The following KCNC1 variants were observed in gnomAD, a reference collection of about 807,000 sequenced individuals.
KCNC1 encodes voltage-gated potassium channel KCNC1.
Under a neutral mutation model 43.4 loss-of-function variants are expected in KCNC1, and 8 were observed. That is an observed-to-expected ratio of 0.18 (90% CI 0.11 to 0.33). The LOEUF (loss-of-function observed/expected upper bound fraction) is 0.33. KCNC1 is among the 10% of genes least tolerant of loss of function. The pLI is 1.00. For missense variants in KCNC1, 420 were observed against 836.0 expected (o/e 0.50, Z 6.14); for synonymous variants, 361 against 360.5 (o/e 1.00, Z -0.01).
intron 1 of KCNC1, among the ~76,000 whole-genome samples, chr11:17,763,711 C>CA (rs1482931412): frequency 7.9e-6 from 1 of 127,250 alleles, no homozygotes; most frequent in African/African-American, 2.9e-5. Flanking sequence ...CACCCACACA[C>CA]ACCCCCACAC....
At chr11:17,750,595 A>G (rs1848956411) in intron 1 of KCNC1, among the ~76,000 whole-genome samples, 1 of 152,078 alleles carries the variant, frequency 6.6e-6, no homozygotes, top group African/African-American at 2.4e-5. Context: ...CCCTTTCCAA[A>G]GCCTGTGGTG....
chr11:17,779,679 C>G lies in KCNC1; in HGVS notation c.1693+35C>G, dbSNP rs368854707. The G allele has an allele frequency of 3.5e-6, 5 of 1,427,744 alleles. No homozygotes were observed. The Admixed American group carries it at 8.6e-5, about 24-fold the overall frequency. The allele number at this position is 1,427,744 out of a possible 1,614,324, so 88.4% of individuals were successfully genotyped here. A position where few individuals can be genotyped will look rare whatever the true frequency, so the allele number is the denominator to read the frequency against. On this transcript the variant is annotated intron_variant, in intron 3 of 3. Coordinates refer to ENST00000265969, the MANE Select transcript of KCNC1 (RefSeq NM_001112741.2). This position sits in a 1 kb window ranked among gnomAD's most constrained non-coding sequence, Gnocchi z 7.2. Reference sequence around the variant, plus strand: ...GGAAGCTGGAGCACCGTGCATCGTCCGGGCCGCCTCGCGCTCCTGCAGATG... The same window carrying G: ...GGAAGCTGGAGCACCGTGCATCGTCGGGGCCGCCTCGCGCTCCTGCAGATG...
chr11:17,749,398 G>A (rs911348066), intron 1 of KCNC1, among the ~76,000 whole-genome samples: 4 of 152,234 alleles, frequency 2.6e-5, no homozygotes, highest in South Asian at 4.1e-4. Flanking sequence ...TGACAAGCGG[G>A]CTACCATACC....
In KCNC1 at chr11:17,776,135, A is replaced by C. The variant is rs923270852; in HGVS notation, c.1505-3321A>C. On this transcript the variant is annotated intron_variant, in intron 2 of 3. Coordinates refer to ENST00000265969, the MANE Select transcript of KCNC1 (RefSeq NM_001112741.2). The surrounding 1 kb of genome is among the most constrained non-coding windows in gnomAD (Gnocchi z 4.4). ...TGTGGGGGAAGTAGCGGAGAAATGA[A>C]GTGACGCCAGGGGCCAGGCATGGGT... The C allele has an allele frequency of 3.8e-5, 37 of 985,234 alleles. No homozygotes were observed. Among genetic ancestry groups the C allele is most frequent in the Non-Finnish European group, 4.2e-5 (35 of 829,956 alleles). The allele number at this position is 985,234 out of a possible 1,614,324, so 61.0% of individuals were successfully genotyped here. A position where few individuals can be genotyped will look rare whatever the true frequency, so the allele number is the denominator to read the frequency against.
In KCNC1 at chr11:17,782,405, T is replaced by C. The variant is rs1396701518; in HGVS notation, c.*671T>C. The stretch of plus-strand genomic sequence containing the variant: ...TGCCTTCTTCCCCGTTTGGCATGCT[T>C]GTGACCCAGCGGATGTCTCCCCAAG... On this transcript the variant is annotated 3_prime_UTR_variant, in exon 4 of 4. Transcript: ENST00000265969. 6.6e-6 allele frequency: 1 copy of C among 152,256 alleles called. No homozygotes were observed. Among genetic ancestry groups the C allele is most frequent in the Admixed American group, 6.5e-5 (1 of 15,286 alleles). The allele number at this position is 152,256 out of a possible 1,614,324, so 9.4% of individuals were successfully genotyped here.
At chr11:17,750,291 G>A (rs1340832631) in intron 1 of KCNC1, among the ~76,000 whole-genome samples, 1 of 152,184 alleles carries the variant, frequency 6.6e-6, no homozygotes, top group African/African-American at 2.4e-5. Flanking sequence ...CTGGGTATAA[G>A]GAGGCCCTGG....
chr11:17,776,601 C>T lies in KCNC1; in HGVS notation c.1505-2855C>T, dbSNP rs1326518879. 3.0e-6 allele frequency: 3 copies of T among 985,314 alleles called. No individual in the cohort carries two copies. In the African/African-American group the frequency reaches 5.2e-5, roughly 17 times the overall value. 61.0% of individuals were successfully genotyped at this position (985,314 alleles called of 1,614,324 possible). ...TGGAAACCATCTCTGAGACGCTGCC[C>T]ATGCTGCCATTTCATCACTGCAGGC... On this transcript the variant is annotated intron_variant, in intron 2 of 3. Coordinates refer to ENST00000265969, the MANE Select transcript of KCNC1 (RefSeq NM_001112741.2). The surrounding 1 kb of genome is among the most constrained non-coding windows in gnomAD (Gnocchi z 4.4).
chr11:17,741,494 C>T (rs1398538133), intron 1 of KCNC1, among the ~76,000 whole-genome samples: 1 of 152,172 alleles, frequency 6.6e-6, no homozygotes, highest in Non-Finnish European at 1.5e-5. Flanking sequence ...GTTCACCATC[C>T]TGGCTCAAGC....
At chr11:17,757,124 C>T (rs949655946) in intron 1 of KCNC1, among the ~76,000 whole-genome samples, 2 of 152,162 alleles carry the variant, frequency 1.3e-5, no homozygotes, top group African/African-American at 4.8e-5. Context: ...TACTGTATAG[C>T]AGAGGACAGA....
At chr11:17,764,963 C>T (rs369048326) in intron 1 of KCNC1, among the ~76,000 whole-genome samples, 6 of 152,232 alleles carry the variant, frequency 3.9e-5, no homozygotes, top group African/African-American at 1.2e-4. Flanking sequence ...CTGCACACCC[C>T]CGCTGGGCAG....
chr11:17,761,782 C>T (rs1222486326), intron 1 of KCNC1, among the ~76,000 whole-genome samples: 1 of 152,146 alleles, frequency 6.6e-6, no homozygotes, highest in African/African-American at 2.4e-5. Flanking sequence ...CCTCCTGGGG[C>T]ACAAATTAAA....
At chr11:17,745,806 C>T (rs967380832) in intron 1 of KCNC1, among the ~76,000 whole-genome samples, 2 of 152,182 alleles carry the variant, frequency 1.3e-5, no homozygotes, top group East Asian at 1.9e-4. Context: ...CAGGTCTATA[C>T]TCAGACATCA....
chr11:17,777,003 G>A lies in KCNC1; in HGVS notation c.1505-2453G>A, dbSNP rs1332495067. The A allele has an allele frequency of 1.0e-6, 1 of 985,310 alleles. No individual in the cohort carries two copies. The highest frequency in any genetic ancestry group is 1.2e-6 in the Non-Finnish European group (1 of 829,988). 61.0% of individuals were successfully genotyped at this position (985,310 alleles called of 1,614,324 possible). A position where few individuals can be genotyped will look rare whatever the true frequency, so the allele number is the denominator to read the frequency against. On this transcript the variant is annotated intron_variant, in intron 2 of 3. Transcript: ENST00000265969. The surrounding 1 kb of genome is among the most constrained non-coding windows in gnomAD (Gnocchi z 4.3). ...GTTGAGAGAAGCAGTAGGCCCTAGG[G>A]GTGTCCCGGGAATCCCCCAGGAGGG...
At chr11:17,745,462 C>T (rs1336301996) in intron 1 of KCNC1, among the ~76,000 whole-genome samples, 1 of 152,170 alleles carries the variant, frequency 6.6e-6, no homozygotes, top group Non-Finnish European at 1.5e-5. Flanking sequence ...CCGTGGAAGC[C>T]CCTGCCCTCT....
At chr11:17,738,688 G>A (rs953556002) in intron 1 of KCNC1, among the ~76,000 whole-genome samples, 1 of 152,236 alleles carries the variant, frequency 6.6e-6, no homozygotes, top group Admixed American at 6.5e-5. Flanking sequence ...GGGCCAGCTA[G>A]TGTGGTTTGA....
intron 1 of KCNC1, among the ~76,000 whole-genome samples, chr11:17,761,239 T>A (rs191720689): frequency 6.6e-6 from 1 of 152,354 alleles, no homozygotes; most frequent in East Asian, 1.9e-4. Flanking sequence ...AACAGGCAAG[T>A]GGTAGCAGAA....
Position 17,735,820 on chromosome 11 carries a change from G to T in KCNC1, c.-183G>T, listed in dbSNP as rs1042205110. On this transcript the variant is annotated 5_prime_UTR_variant, in exon 1 of 4. Transcript: ENST00000265969. The surrounding 1 kb of genome is among the most constrained non-coding windows in gnomAD (Gnocchi z 6.7). ...CGCACATTCCCCTGGACCGGCACCC[G>T]ACAAAGCGCCCGGAGAGGCTTGGCT... 1.6e-6 allele frequency: 1 copy of T among 622,272 alleles called. No homozygotes were observed. Among genetic ancestry groups the T allele is most frequent in the Non-Finnish European group, 2.5e-6 (1 of 401,706 alleles). The allele number at this position is 622,272 out of a possible 1,614,324, so 38.5% of individuals were successfully genotyped here. A position where few individuals can be genotyped will look rare whatever the true frequency, so the allele number is the denominator to read the frequency against.
chr11:17,779,667 C>A lies in KCNC1; in HGVS notation c.1693+23C>A. 6.7e-7 allele frequency: 1 copy of A among 1,488,880 alleles called. No homozygotes were observed. The highest frequency in any genetic ancestry group is 1.3e-5 in the South Asian group (1 of 75,418). 92.2% of individuals were successfully genotyped at this position (1,488,880 alleles called of 1,614,324 possible). ...AGGGTATGTAGAGGAAGCTGGAGCA[C>A]CGTGCATCGTCCGGGCCGCCTCGCG... On this transcript the variant is annotated intron_variant, in intron 3 of 3. Coordinates refer to ENST00000265969, the MANE Select transcript of KCNC1 (RefSeq NM_001112741.2). The surrounding 1 kb of genome is among the most constrained non-coding windows in gnomAD (Gnocchi z 7.2).
chr11:17,745,107 A>G (rs1469096204), intron 1 of KCNC1, among the ~76,000 whole-genome samples: 1 of 152,120 alleles, frequency 6.6e-6, no homozygotes, highest in Non-Finnish European at 1.5e-5. Flanking sequence ...TTCACTCCCC[A>G]GATGATTCAT....
Sources: gnomAD v4.1 joint callset for allele counts (sites outside exome capture counted in the v4.1 genomes callset) on GRCh38, gnomAD v4.1.1 for gene constraint, Gnocchi (gnomAD v3.1) non-coding constraint, MANE v1.5 for transcripts, NCBI Gene and HGNC (gene_info 2026-07-23, HGNC 2026-07-21) for gene names.